The following ATG2B variants were observed in gnomAD, a reference collection of about 807,000 sequenced individuals.
ATG2B encodes the protein autophagy related 2B.
In ATG2B, 121 loss-of-function variants were observed where a neutral mutation model predicts 241.3. That is an observed-to-expected ratio of 0.50 (90% CI 0.43 to 0.58). The LOEUF (loss-of-function observed/expected upper bound fraction) is 0.58. Ranked by LOEUF, ATG2B falls within the 20% of genes least tolerant of loss-of-function variation. ATG2B has a pLI of 0.00. For synonymous variants in ATG2B, 858 were observed against 876.6 expected, an observed-to-expected ratio of 0.98 and a Z score of 0.37; for missense variants, 2,306 against 2,491.6, an observed-to-expected ratio of 0.93 and a Z score of 1.59.
In ATG2B at chr14:96,285,867, G is replaced by A; in HGVS notation, c.6125C>T (p.Pro2042Leu). ...CGTTGCTTCTGTGGCAACAATCAGAGGTTTCACCACTGCCGGAGGAATCTG... is the reference window on the plus strand; with the variant it reads ...CGTTGCTTCTGTGGCAACAATCAGAAGTTTCACCACTGCCGGAGGAATCTG... ...LRQIPPAVVK[P>L]LIVATEATSN... The change falls in exon 42 of 42, where the codon CCT (proline) becomes CTT (leucine). Residue 2042 changes from proline to leucine, a missense_variant. Physicochemically the swap from Pro to Leu is moderately conservative, Grantham distance 98. Coordinates refer to ENST00000359933, the MANE Select transcript of ATG2B (RefSeq NM_018036.7). The surrounding 1 kb of genome is among the most constrained non-coding windows in gnomAD (Gnocchi z 4.2). 1 of 1,614,106 alleles carries A rather than the reference G, an allele frequency of 6.2e-7. No individual in the cohort carries two copies. The highest frequency in any genetic ancestry group is 8.5e-7 in the Non-Finnish European group (1 of 1,180,016).
In ATG2B at chr14:96,335,229, C is replaced by T. The variant is rs530818952; in HGVS notation, c.925-728G>A. 1.1e-4 allele frequency among the ~76,000 whole-genome samples: 17 copies of T among 152,282 alleles called. No individual in the cohort carries two copies. The South Asian group carries it at 2.5e-3, about 22-fold the overall frequency. ...GAATATCCCTGCCTTACTTTTCATT[C>T]GCCTCCTCTTAACACTGACTCCTAT... is the stretch of plus-strand genomic sequence containing the variant. On this transcript the variant is annotated intron_variant, in intron 6 of 41. Coordinates refer to ENST00000359933, the MANE Select transcript of ATG2B (RefSeq NM_018036.7).
At chr14:96,303,329 A>G in intron 32 of ATG2B, 74 bp from the exon 33 acceptor site, 1 of 1,237,210 alleles carries the variant, frequency 8.1e-7, no homozygotes, top group Non-Finnish European at 1.1e-6. Flanking sequence ...TCTCTTTAAA[A>G]TGCAAAATAT....
chr14:96,352,356 A>T (rs1888348419), intron 1 of ATG2B, among the ~76,000 whole-genome samples: 1 of 152,100 alleles, frequency 6.6e-6, no homozygotes, highest in Admixed American at 6.6e-5. Context: ...CAATTTAATC[A>T]TTATTTTAGA....
rs1886211460 is a variant in ATG2B, at chr14:96,281,971, G to A, written c.*3784C>T. On this transcript the variant is annotated 3_prime_UTR_variant, in exon 42 of 42. Transcript: ENST00000359933. ...TGATATGCAGGCACTATAATGGGGG[G>A]AAATACTTCTGAATAAAAACATTGG... 6.6e-6 allele frequency: 1 copy of A among 152,188 alleles called. No homozygotes were observed. The highest frequency in any genetic ancestry group is 6.5e-5 in the Admixed American group (1 of 15,272). The allele number at this position is 152,188 out of a possible 1,614,324, so 9.4% of individuals were successfully genotyped here.
At chr14:96,310,201 A>C (rs1469701133) in intron 28 of ATG2B, among the ~76,000 whole-genome samples, 2 of 152,250 alleles carry the variant, frequency 1.3e-5, no homozygotes, top group African/African-American at 4.8e-5. Context: ...ATTTAAAATA[A>C]GAAGAATGTT....
At position 96,294,999 on chromosome 14, in the gene ATG2B, G is replaced by A. The variant is rs144643846; in HGVS notation, c.5387C>T (p.Ala1796Val). Reference protein sequence around the residue: ...VNGMEEKNFSAEEASFRDQPV... With the variant: ...VNGMEEKNFSVEEASFRDQPV... The stretch of plus-strand genomic sequence containing the variant: ...CTGATCCCTAAAAGATGCTTCTTCA[G>A]CAGAGAAGTTCTTCTCTTCCATGCC... Residue 1796 changes from alanine to valine, a missense_variant, in exon 36 of 42, where the codon GCT (alanine) becomes GTT (valine). Ala to Val is a moderately conservative substitution (Grantham distance 64, BLOSUM62 0). Coordinates refer to ENST00000359933, the MANE Select transcript of ATG2B (RefSeq NM_018036.7). 9 of 1,614,078 alleles carry A rather than the reference G, an allele frequency of 5.6e-6. No homozygotes were observed. In the African/African-American group the frequency reaches 9.3e-5, roughly 17 times the overall value.
At chr14:96,317,047 T>C (rs1281568058) in intron 20 of ATG2B, 98 bp downstream of exon 20, 2 of 1,206,440 alleles carry the variant, frequency 1.7e-6, no homozygotes, top group Non-Finnish European at 2.3e-6. Context: ...TGAAACAACT[T>C]CAAAATATCA....
intron 1 of ATG2B, among the ~76,000 whole-genome samples, chr14:96,356,488 C>T (rs6575582): frequency 0.95 from 144,693 of 152,242 alleles, 69,285 homozygotes; most frequent in Non-Finnish European, 0.99. Context: ...TTTTTTTTAA[C>T]GTAGTACTGG....
chr14:96,325,993 A>C, intron 14 of ATG2B, 71 bp from the exon 15 acceptor site: 1 of 1,418,322 alleles, frequency 7.1e-7, no homozygotes, highest in Non-Finnish European at 9.6e-7. Context: ...AGTATTCAAC[A>C]TTACAATATG....
intron 34 of ATG2B, among the ~76,000 whole-genome samples, chr14:96,296,539 A>C (rs1400036616): frequency 6.6e-6 from 1 of 152,042 alleles, no homozygotes; most frequent in East Asian, 1.9e-4. Context: ...AGGCGGGCAG[A>C]TCATGAGGTC....
rs1382995121 is a variant in ATG2B at position 96,283,003 on chromosome 14, G to C, written c.*2752C>G. 6.6e-6 allele frequency: 1 copy of C among 152,206 alleles called. No individual in the cohort carries two copies. Among genetic ancestry groups the C allele is most frequent in the East Asian group, 1.9e-4 (1 of 5,206 alleles). 9.4% of individuals were successfully genotyped at this position (152,206 alleles called of 1,614,324 possible). Reference sequence around the variant, plus strand: ...AACTTCATGAAAGTGAAAGTCTATTGCTATGACATCTAGAAGAAACACTGA... The same window carrying C: ...AACTTCATGAAAGTGAAAGTCTATTCCTATGACATCTAGAAGAAACACTGA... On this transcript the variant is annotated 3_prime_UTR_variant, in exon 42 of 42. Coordinates refer to ENST00000359933, the MANE Select transcript of ATG2B (RefSeq NM_018036.7).
intron 36 of ATG2B, among the ~76,000 whole-genome samples, chr14:96,293,820 G>A (rs1886555222): frequency 1.3e-5 from 2 of 151,754 alleles, no homozygotes; most frequent in South Asian, 4.2e-4. Context: ...CTTTTTAAAC[G>A]TAAATAAATG....
intron 29 of ATG2B, among the ~76,000 whole-genome samples, chr14:96,307,293 C>T (rs1326980066): frequency 6.6e-6 from 1 of 152,030 alleles, no homozygotes; most frequent in East Asian, 1.9e-4. Context: ...ACACCTGAGT[C>T]CCAGCTACCT....
At chr14:96,308,263 T>TATATATATATAC (rs1887039226) in intron 29 of ATG2B, among the ~76,000 whole-genome samples, 2 of 26,458 alleles carry the variant, frequency 7.6e-5, no homozygotes, top group Non-Finnish European at 1.7e-4. Context: ...CACACATATA[T>TATATATATATAC]ATATATATAT....
At chr14:96,308,161 C>T (rs1032197872) in intron 29 of ATG2B, among the ~76,000 whole-genome samples, 1 of 138,396 alleles carries the variant, frequency 7.2e-6, no homozygotes, top group African/African-American at 2.7e-5. Context: ...CACACACACA[C>T]ATATATAAAT....
intron 21 of ATG2B, among the ~76,000 whole-genome samples, 188 bp from the exon 22 acceptor site, chr14:96,315,771 C>A (rs1332584717): frequency 1.3e-5 from 2 of 152,134 alleles, no homozygotes; most frequent in South Asian, 2.1e-4. Flanking sequence ...ACTGACCGTA[C>A]ACAGCTTAAA....
At chr14:96,314,182 G>A (rs911240481) in intron 23 of ATG2B, among the ~76,000 whole-genome samples, 1 of 152,268 alleles carries the variant, frequency 6.6e-6, no homozygotes, top group Non-Finnish European at 1.5e-5. Flanking sequence ...TTTCCTAAAT[G>A]CTTTCATGAG....
At chr14:96,349,693 T>C (rs1888262993) in intron 1 of ATG2B, among the ~76,000 whole-genome samples, 1 of 152,178 alleles carries the variant, frequency 6.6e-6, no homozygotes, top group Non-Finnish European at 1.5e-5. Context: ...GAGGTGTCAT[T>C]TACTGAGATA....
At chr14:96,348,454 G>A (rs61985189) in intron 1 of ATG2B, among the ~76,000 whole-genome samples, 47,572 of 151,796 alleles carry the variant, frequency 0.31, 7,926 homozygotes, top group Middle Eastern at 0.42. Flanking sequence ...AGGCTGAGAC[G>A]GGCAGATCTC....
Sources: gnomAD v4.1 joint callset for allele counts (sites outside exome capture counted in the v4.1 genomes callset) on GRCh38, gnomAD v4.1.1 for gene constraint, Gnocchi (gnomAD v3.1) non-coding constraint, MANE v1.5 for transcripts, NCBI Gene and HGNC (gene_info 2026-07-23, HGNC 2026-07-21) for gene names.